ARID1A: variants seen among roughly 807,000 people sequenced by gnomAD.
ARID1A encodes AT-rich interaction domain 1A.
ARID1A carries 20 observed loss-of-function variants against 212.6 expected under a neutral mutation model. The ratio of observed to expected loss-of-function variants is 0.09; its 90% confidence interval spans 0.07 to 0.14. The LOEUF (loss-of-function observed/expected upper bound fraction) is 0.14. Ranked by LOEUF, ARID1A falls within the 10% of genes least tolerant of loss-of-function variation. The probability of loss-of-function intolerance (pLI) is 1.00; values close to 1 mark genes in which losing one functional copy is unlikely to be tolerated. For missense variants in ARID1A, 2,587 were observed against 3,059.0 expected (o/e 0.85, Z 3.64); for synonymous variants, 1,376 against 1,222.1 (o/e 1.13, Z -2.63).
rs769121528 is a variant in ARID1A at position 26,762,257 on chromosome 1, G to T, written c.2357G>T (p.Gly786Val). The change falls in exon 7 of 20, where the codon GGC becomes GTC. Residue 786 changes from glycine (G) to valine (V), a missense_variant. Gly to Val is a moderately radical substitution (Grantham distance 109, BLOSUM62 -3). Transcript: ENST00000324856. ...GGAGGACAGATACACACAGGCATGGGCTCCTACCAGCAGAACTCCATGGGG... is the reference window on the plus strand; with the variant it reads ...GGAGGACAGATACACACAGGCATGGTCTCCTACCAGCAGAACTCCATGGGG... ...PSGGQIHTGM[G>V]SYQQNSMGSY... The T allele has an allele frequency of 1.2e-6, 2 of 1,614,176 alleles. No homozygotes were observed. Among genetic ancestry groups the T allele is most frequent in the Admixed American group, 3.3e-5 (2 of 60,022 alleles).
chr1:26,710,484 AAAT>A (rs1205200040), intron 1 of ARID1A, among the ~76,000 whole-genome samples: 2 of 33,036 alleles, frequency 6.1e-5, no homozygotes, highest in South Asian at 8.6e-4. Flanking sequence ...TCAAAAAATA[AAAT>A]AATACATACA....
rs1355294489 is a variant in ARID1A, at chr1:26,781,734, C to A, written c.*978C>A. 2 of 233,642 alleles carry A rather than the reference C, an allele frequency of 8.6e-6. No homozygotes were observed. Among genetic ancestry groups the A allele is most frequent in the Non-Finnish European group, 1.7e-5 (2 of 118,082 alleles). 14.5% of individuals were successfully genotyped at this position (233,642 alleles called of 1,614,324 possible). On this transcript the variant is annotated 3_prime_UTR_variant, in exon 20 of 20. Coordinates refer to ENST00000324856, the MANE Select transcript of ARID1A (RefSeq NM_006015.6). ...GTGACCTGCACAAAGCGAGACACAG[C>A]TATTTAATCTCTTGCCAGATATCGC...
rs969204122 is a variant in ARID1A, at chr1:26,696,233, C to T, written c.-171C>T. On this transcript the variant is annotated 5_prime_UTR_variant, in exon 1 of 20. Transcript: ENST00000324856. Reference sequence around the variant, plus strand: ...CGCCGCCGCCAGCCCGGAGCCTGAGCCGGCGGGGCGGGGGGGAGAGGAGCG... The same window carrying T: ...CGCCGCCGCCAGCCCGGAGCCTGAGTCGGCGGGGCGGGGGGGAGAGGAGCG... 8 of 886,794 alleles carry T rather than the reference C, an allele frequency of 9.0e-6. No homozygotes were observed. In the African/African-American group the frequency reaches 9.2e-5, roughly 10 times the overall value. The allele number at this position is 886,794 out of a possible 1,614,324, so 54.9% of individuals were successfully genotyped here. A position where few individuals can be genotyped will look rare whatever the true frequency, so the allele number is the denominator to read the frequency against.
rs2081189845 is a variant in ARID1A at position 26,781,084 on chromosome 1, A to T, written c.*328A>T. 3.4e-6 allele frequency: 1 copy of T among 293,176 alleles called. No homozygotes were observed. Among genetic ancestry groups the T allele is most frequent in the Non-Finnish European group, 6.3e-6 (1 of 158,434 alleles). The allele number at this position is 293,176 out of a possible 1,614,324, so 18.2% of individuals were successfully genotyped here. On this transcript the variant is annotated 3_prime_UTR_variant, in exon 20 of 20. Transcript: ENST00000324856. Reference sequence around the variant, plus strand: ...CTGTTGTTTACAGTGAGTTTGGGGAAAAAAAATAAAATAAAAATGGCTTTC... The same window carrying T: ...CTGTTGTTTACAGTGAGTTTGGGGATAAAAAATAAAATAAAAATGGCTTTC...
rs1290291487 is a variant in ARID1A, at chr1:26,774,514, C to T, written c.4287C>T (p.Asn1429=). The part of the protein sequence containing the change: ...AQPSPQQDVY[N]QYGNAYPATA... ...CTTCCCCTCAGCAAGATGTATACAA[C>T]CAGTATGGCAATGCCTATCCTGCCA... Residue 1429 remains asparagine (N), a synonymous_variant, in exon 18 of 20, where the codon AAC becomes AAT. Coordinates refer to ENST00000324856, the MANE Select transcript of ARID1A (RefSeq NM_006015.6). This position sits in a 1 kb window ranked among gnomAD's most constrained non-coding sequence, Gnocchi z 5.6. The T allele has an allele frequency of 1.2e-6, 2 of 1,613,970 alleles. No homozygotes were observed. The highest frequency in any genetic ancestry group is 3.3e-5 in the Admixed American group (2 of 59,998).
chr1:26,718,662 GAT>G (rs2080528115), intron 1 of ARID1A, among the ~76,000 whole-genome samples: 1 of 152,120 alleles, frequency 6.6e-6, no homozygotes, highest in African/African-American at 2.4e-5. Context: ...ATACAACGTA[GAT>G]ATTATGTAAG....
chr1:26,746,186 T>A (rs1398752880), intron 4 of ARID1A, among the ~76,000 whole-genome samples: 1 of 152,214 alleles, frequency 6.6e-6, no homozygotes, highest in Non-Finnish European at 1.5e-5. Context: ...TTAATGATAC[T>A]ACAGCTTCTG....
chr1:26,723,291 G>A (rs2080582657), intron 1 of ARID1A, among the ~76,000 whole-genome samples: 1 of 152,198 alleles, frequency 6.6e-6, no homozygotes, highest in Non-Finnish European at 1.5e-5. Context: ...TTGGTTGGGA[G>A]AGGCCTTAAT....
chr1:26,718,613 G>A (rs933479493), intron 1 of ARID1A, among the ~76,000 whole-genome samples: 1 of 152,130 alleles, frequency 6.6e-6, no homozygotes, highest in African/African-American at 2.4e-5. Context: ...ACATTCTCCT[G>A]TATACGTTAA....
intron 4 of ARID1A, among the ~76,000 whole-genome samples, chr1:26,751,250 G>T (rs902787829): frequency 6.6e-6 from 1 of 151,222 alleles, no homozygotes; most frequent in African/African-American, 2.4e-5. Flanking sequence ...GCAAAACTCC[G>T]TCTAAAAAAA....
intron 11 of ARID1A, 163 bp from the exon 12 acceptor site, chr1:26,770,956 A>G (rs1190258402): frequency 3.1e-6 from 2 of 637,146 alleles, no homozygotes; most frequent in East Asian, 5.5e-5. Context: ...TGCAGATTTA[A>G]CACTTCTTGT....
chr1:26,761,763 G>C (rs1219091904), intron 6 of ARID1A, among the ~76,000 whole-genome samples: 1 of 152,152 alleles, frequency 6.6e-6, no homozygotes, highest in Non-Finnish European at 1.5e-5. Context: ...TGTGAAGTTA[G>C]AGTGGGCTTG....
chr1:26,710,816 G>A (rs948271770), intron 1 of ARID1A, among the ~76,000 whole-genome samples: 12 of 152,188 alleles, frequency 7.9e-5, no homozygotes, highest in Non-Finnish European at 1.6e-4. Context: ...GATGTTTTAT[G>A]TCTATGTGCC....
chr1:26,745,743 C>A (rs2080830150), intron 4 of ARID1A, among the ~76,000 whole-genome samples: 2 of 152,094 alleles, frequency 1.3e-5, no homozygotes. Context: ...CTGTACAAGA[C>A]CAGCAAAAAG....
chr1:26,696,024 C>G lies in ARID1A; in HGVS notation c.-380C>G. ...CCTCCCTCCCTCCCTCCTCCTTTCT[C>G]CGGCAGCAGAAAGCGGAGAGTCACA... On this transcript the variant is annotated 5_prime_UTR_variant, in exon 1 of 20. Coordinates refer to ENST00000324856, the MANE Select transcript of ARID1A (RefSeq NM_006015.6). 2.5e-6 allele frequency: 2 copies of G among 813,518 alleles called. No individual in the cohort carries two copies. Among genetic ancestry groups the G allele is most frequent in the Non-Finnish European group, 3.0e-6 (2 of 674,316 alleles). 50.4% of individuals were successfully genotyped at this position (813,518 alleles called of 1,614,324 possible).
chr1:26,749,144 G>A (rs1467815214), intron 4 of ARID1A, among the ~76,000 whole-genome samples: 3 of 152,080 alleles, frequency 2.0e-5, no homozygotes, highest in African/African-American at 4.8e-5. Context: ...CAGCCTCGGT[G>A]ACAGAGCGAG....
rs1265419877 is a variant in ARID1A at position 26,715,693 on chromosome 1, G to A, written c.1138-13958G>A. On this transcript the variant is annotated intron_variant, in intron 1 of 19. Transcript: ENST00000324856. ...GTTCACTTAATTGCCCAGTCCTGTT[G>A]TTGAAATGTTGTTTAATTTAAAGCA... Among the ~76,000 whole-genome samples the A allele has an allele frequency of 4.6e-5, 7 of 152,188 alleles. No individual in the cohort carries two copies. In the East Asian group the frequency reaches 9.6e-4, roughly 21 times the overall value.
chr1:26,729,178 T>C (rs2080648414), intron 1 of ARID1A: 1 of 158,404 alleles, frequency 6.3e-6, no homozygotes, highest in South Asian at 1.8e-4. Flanking sequence ...TAAATTTAAC[T>C]GTGCCATAGT....
intron 1 of ARID1A, among the ~76,000 whole-genome samples, chr1:26,700,935 C>T (rs1341751196): frequency 1.3e-5 from 2 of 152,188 alleles, no homozygotes; most frequent in African/African-American, 4.8e-5. Flanking sequence ...ACAGAGAAAG[C>T]AGCCAGGACC....
Sources: gnomAD v4.1 joint callset for allele counts (sites outside exome capture counted in the v4.1 genomes callset) on GRCh38, gnomAD v4.1.1 for gene constraint, Gnocchi (gnomAD v3.1) non-coding constraint, MANE v1.5 for transcripts, NCBI Gene and HGNC (gene_info 2026-07-23, HGNC 2026-07-21) for gene names.